Variants in ZNF814 observed in about 807,000 individuals in gnomAD.
ZNF814 encodes zinc finger protein 814.
In ZNF814, 5 loss-of-function variants were observed where a neutral mutation model predicts 7.5. The ratio of observed to expected loss-of-function variants is 0.67; its 90% CI spans 0.35 to 1.40. ZNF814 has a LOEUF of 1.40. Ranked by LOEUF, ZNF814 falls within the 40% of genes most tolerant of loss-of-function variation. The pLI is 0.04. For synonymous variants in ZNF814, 315 were observed against 340.7 expected (o/e 0.92, Z 0.83); for missense variants, 962 against 1,018.0 (o/e 0.94, Z 0.75).
chr19:57,904,275 G>T, the ZNF814 span, among the ~76,000 whole-genome samples: 2 of 152,004 alleles, frequency 1.3e-5, no homozygotes, highest in African/African-American at 4.8e-5. Context: ...ACATCCGCAC[G>T]TCCTCTCCAC....
chr19:57,894,686 T>C, the ZNF814 span, among the ~76,000 whole-genome samples: 5 of 151,038 alleles, frequency 3.3e-5, no homozygotes, highest in African/African-American at 1.2e-4. Context: ...AAAAAAAAAT[T>C]AGCCGGGCGT....
chr19:57,885,353 C>T (rs890520594), intron 1 of ZNF814, among the ~76,000 whole-genome samples: 23 of 143,492 alleles, frequency 1.6e-4, no homozygotes, highest in Admixed American at 9.1e-4. Flanking sequence ...AATGTGAGGG[C>T]GCGGTGGTGG....
chr19:57,878,314 G>T (rs1165555009), intron 1 of ZNF814, among the ~76,000 whole-genome samples: 5 of 151,910 alleles, frequency 3.3e-5, no homozygotes, highest in African/African-American at 1.2e-4. Context: ...TGAAGAGAGT[G>T]TAATGGCCTG....
chr19:57,895,507 C>T, the ZNF814 span, among the ~76,000 whole-genome samples: 1 of 152,000 alleles, frequency 6.6e-6, no homozygotes, highest in Non-Finnish European at 1.5e-5. Flanking sequence ...AACTCCTGGT[C>T]TCAGGCAATC....
chr19:57,884,148 C>G (rs970572238), intron 1 of ZNF814, among the ~76,000 whole-genome samples: 1 of 152,096 alleles, frequency 6.6e-6, no homozygotes, highest in Middle Eastern at 3.2e-3. Context: ...AGCTTCTGTA[C>G]AGCAAAGAAA....
rs1386871124 is a variant in ZNF814 at position 57,888,846 on chromosome 19, A to C, written c.-44T>G. 1.3e-6 allele frequency: 2 copies of C among 1,550,546 alleles called. No individual in the cohort carries two copies. The highest frequency in any genetic ancestry group is 1.7e-6 in the Non-Finnish European group (2 of 1,146,232). ...GCAGAGTCGGGAGGATAGGGCGACC[A>C]GCCAGGAGATATGGGCACGACGGTC... On this transcript the variant is annotated 5_prime_UTR_variant, in exon 1 of 3. Coordinates refer to ENST00000435989, the MANE Select transcript of ZNF814 (RefSeq NM_001144989.2).
At chr19:57,892,162 G>A (rs1207462155), upstream of ZNF814, among the ~76,000 whole-genome samples, 1 of 152,178 alleles carries the variant, frequency 6.6e-6, no homozygotes, top group Non-Finnish European at 1.5e-5. Flanking sequence ...AGGACCTCTT[G>A]AGGGCTGTGT....
At chr19:57,889,729 T>C (rs1208246511), upstream of ZNF814, among the ~76,000 whole-genome samples, 2 of 151,540 alleles carry the variant, frequency 1.3e-5, no homozygotes, top group East Asian at 3.9e-4. Context: ...ACCCACATGG[T>C]GACATGCGCC....
chr19:57,889,917 C>A (rs1254734963), upstream of ZNF814, among the ~76,000 whole-genome samples: 5 of 152,134 alleles, frequency 3.3e-5, no homozygotes, highest in African/African-American at 1.2e-4. Context: ...GCAGATCTTT[C>A]TCCTAGGCAG....
Position 57,875,079 on chromosome 19 carries a change from A to C in ZNF814, c.311T>G (p.Ile104Ser). ...CEMCGPILGD[I>S]LHVADHQGTH... ...TCCCTGATGATCTGCCACATGCAAA[A>C]TGTCTCCCAAGATCGGGCCACACAT... Residue 104 changes from isoleucine to serine, a missense_variant, in exon 3 of 3, where the codon ATT becomes AGT. Physicochemically the swap from Ile to Ser is moderately radical, Grantham distance 142. This residue lies in a region of ZNF814 where 65 missense variants were observed against 131.3 expected (regional missense o/e 0.50). Coordinates refer to ENST00000435989, the MANE Select transcript of ZNF814 (RefSeq NM_001144989.2). The C allele has an allele frequency of 3.8e-6, 6 of 1,582,028 alleles. No individual in the cohort carries two copies. The highest frequency in any genetic ancestry group is 5.2e-6 in the Non-Finnish European group (6 of 1,160,734).
chr19:57,901,509 G>A, the ZNF814 span: 2 of 397,556 alleles, frequency 5.0e-6, no homozygotes, highest in African/African-American at 2.1e-5. Flanking sequence ...TGACAATCAG[G>A]TGCCTCTGTG....
Position 57,875,199 on chromosome 19 carries a change from G to A in ZNF814, c.191C>T (p.Ala64Val), listed in dbSNP as rs773044333. 4.5e-5 allele frequency: 68 copies of A among 1,524,860 alleles called. No individual in the cohort carries two copies. The highest frequency in any genetic ancestry group is 1.6e-4 in the East Asian group (7 of 44,244). 94.5% of individuals were successfully genotyped at this position (1,524,860 alleles called of 1,614,324 possible). Residue 64 changes from alanine to valine, a missense_variant, in exon 3 of 3, where the codon GCG becomes GTG. Around this residue, in one of 7 missense-constraint regions of ZNF814, gnomAD observed 65 missense variants for 131.3 expected, o/e 0.50. Coordinates refer to ENST00000435989, the MANE Select transcript of ZNF814 (RefSeq NM_001144989.2). ...LGCWCGVEDE[A>V]APSKQSIYIQ... Reference sequence around the variant, plus strand: ...ATAAATACTCTGCTTAGAAGGTGCCGCCTCATCTTCCACTCCACACCAACA... The same window carrying A: ...ATAAATACTCTGCTTAGAAGGTGCCACCTCATCTTCCACTCCACACCAACA...
upstream of ZNF814, chr19:57,889,204 G>A (rs1225866623): frequency 3.3e-5 from 13 of 392,408 alleles, no homozygotes; most frequent in Non-Finnish European, 5.0e-5. Context: ...AATTCCCAGA[G>A]GCGCTTCTGC....
intron 2 of ZNF814, among the ~76,000 whole-genome samples, chr19:57,875,568 C>A (rs2122432438): frequency 6.6e-6 from 1 of 152,288 alleles, no homozygotes; most frequent in Admixed American, 6.5e-5. Context: ...AAGGAAAACA[C>A]AAGCACAACA....
chr19:57,884,337 G>C (rs1210562238), intron 1 of ZNF814, among the ~76,000 whole-genome samples: 1 of 152,148 alleles, frequency 6.6e-6, no homozygotes, highest in Non-Finnish European at 1.5e-5. Context: ...ATACAGTCAG[G>C]AGCAGTGCCT....
chr19:57,886,510 C>G (rs1206148809), intron 1 of ZNF814, among the ~76,000 whole-genome samples: 1 of 152,060 alleles, frequency 6.6e-6, no homozygotes, highest in African/African-American at 2.4e-5. Context: ...ATAACTAACT[C>G]CATCTTAGAA....
At chr19:57,879,827 C>T (rs1258082886) in intron 1 of ZNF814, among the ~76,000 whole-genome samples, 1 of 126,284 alleles carries the variant, frequency 7.9e-6, no homozygotes, top group African/African-American at 3.0e-5. Flanking sequence ...CACGGTGGCT[C>T]GAGTCTGTAA....
At chr19:57,875,943 C>CTTTTTTTTTTTTTTTTTTTTT (rs567660556) in intron 2 of ZNF814, among the ~76,000 whole-genome samples, 2 of 71,378 alleles carry the variant, frequency 2.8e-5, no homozygotes, top group Admixed American at 1.8e-4. Flanking sequence ...CAGGGTGCCG[C>CTTTTTTTTTTTTTTTTTTTTT]TTTTTTTTTT....
intron 1 of ZNF814, chr19:57,885,939 G>A (rs1198865659): frequency 7.2e-5 from 10 of 139,222 alleles, no homozygotes; most frequent in Non-Finnish European, 1.5e-4. Context: ...TCACGCCACT[G>A]CACTCCAGTC....
Sources: gnomAD v4.1 joint callset for allele counts (sites outside exome capture counted in the v4.1 genomes callset) on GRCh38, gnomAD v4.1.1 for gene constraint, gnomAD v4.1.1 regional missense constraint, MANE v1.5 for transcripts, NCBI Gene and HGNC (gene_info 2026-07-23, HGNC 2026-07-21) for gene names.